Variants in THAP6 observed in about 807,000 individuals in gnomAD.
THAP6 encodes the protein THAP domain-containing protein 6.
A neutral mutation model predicts 20.0 loss-of-function variants in THAP6; 13 were observed. That is an observed-to-expected ratio of 0.65 (90% confidence interval 0.42 to 1.03). THAP6 has a LOEUF of 1.03. Ranked by LOEUF, THAP6 falls within the 50% of genes least tolerant of loss-of-function variation. THAP6 has a pLI of 0.00. For synonymous variants in THAP6, 93 were observed against 92.2 expected, an observed-to-expected ratio of 1.01 and a Z score of -0.05; for missense variants, 262 against 261.6, an observed-to-expected ratio of 1.00 and a Z score of -0.01.
intron 3 of THAP6, among the ~76,000 whole-genome samples, chr4:75,546,658 A>G (rs1243735317): frequency 4.6e-5 from 7 of 152,154 alleles, no homozygotes. Context: ...GAGGCTGGCA[A>G]GTCCAAAATC....
In THAP6 at chr4:75,541,329, G is replaced by A. The variant is rs549006052; in HGVS notation, c.166-1080G>A. ...CAAAAAGACATCAATCCATATTATC[G>A]CCATGGGAAAACAAGACCTTAACAT... On this transcript the variant is annotated intron_variant, in intron 2 of 4. Coordinates refer to the THAP6 transcript ENST00000502620. 3.9e-5 allele frequency among the ~76,000 whole-genome samples: 6 copies of A among 152,178 alleles called. No individual in the cohort carries two copies. In the East Asian group the frequency reaches 7.7e-4, roughly 20 times the overall value.
At chr4:75,525,259 A>G (rs1208972082) in intron 4 of THAP6, among the ~76,000 whole-genome samples, 1 of 152,092 alleles carries the variant, frequency 6.6e-6, no homozygotes, top group East Asian at 1.9e-4. Context: ...CAGGAATTCT[A>G]ATTATGTGTA....
downstream of THAP6, among the ~76,000 whole-genome samples, chr4:75,532,800 C>T (rs763123526): frequency 6.6e-6 from 1 of 152,188 alleles, no homozygotes; most frequent in Non-Finnish European, 1.5e-5. Context: ...TATGTTGGCT[C>T]CTTTCAGCCA....
chr4:75,544,030 A>T (rs1727070136), intron 3 of THAP6, among the ~76,000 whole-genome samples: 2 of 152,216 alleles, frequency 1.3e-5, no homozygotes, highest in African/African-American at 4.8e-5. Flanking sequence ...AGGTAGGTCC[A>T]TGTGACATTT....
rs1413588208 is a variant in THAP6 at position 75,529,709 on chromosome 4, G to T, written c.*2495G>T. 1.0e-6 allele frequency: 1 copy of T among 985,216 alleles called. No individual in the cohort carries two copies. Among genetic ancestry groups the T allele is most frequent in the Non-Finnish European group, 1.2e-6 (1 of 829,950 alleles). The allele number at this position is 985,216 out of a possible 1,614,324, so 61.0% of individuals were successfully genotyped here. On this transcript the variant is annotated 3_prime_UTR_variant, in exon 5 of 5. Coordinates refer to ENST00000311638, the MANE Select transcript of THAP6 (RefSeq NM_144721.6). ...TCTGGCAGCCAAGCCTGACCCTAAGGGTTCCACTTTGCTTTAAAAGCTAGG... is the reference window on the plus strand; with the variant it reads ...TCTGGCAGCCAAGCCTGACCCTAAGTGTTCCACTTTGCTTTAAAAGCTAGG...
downstream of THAP6, among the ~76,000 whole-genome samples, chr4:75,532,324 A>G (rs1726706710): frequency 1.3e-5 from 2 of 152,332 alleles, no homozygotes; most frequent in South Asian, 2.1e-4. Flanking sequence ...CATGTCTCAC[A>G]TTCAGGTAAT....
Position 75,516,846 on chromosome 4 carries a change from T to C in THAP6, c.155T>C (p.Ile52Thr). ...MKRLDVNAAGIWEPKKGDVLC... is the reference protein window; with the variant it reads ...MKRLDVNAAGTWEPKKGDVLC... ...AGACTTGATGTGAATGCAGCCGGCA[T>C]TTGGGAGCCTAAAAAAGGAGATGTG... The change falls in exon 3 of 5, where the codon ATT becomes ACT. Residue 52 changes from isoleucine to threonine, a missense_variant. By Grantham distance (89) the Ile-to-Thr change is moderately conservative (BLOSUM62 -1). Coordinates refer to ENST00000311638, the MANE Select transcript of THAP6 (RefSeq NM_144721.6). 1 of 1,614,052 alleles carries C rather than the reference T, an allele frequency of 6.2e-7. No individual in the cohort carries two copies. Among genetic ancestry groups the C allele is most frequent in the Non-Finnish European group, 8.5e-7 (1 of 1,179,986 alleles).
upstream of THAP6, chr4:75,514,377 AG>A: frequency 7.1e-7 from 1 of 1,406,272 alleles, no homozygotes; most frequent in Non-Finnish European, 9.6e-7. Context: ...CACCCCTCCC[AG>A]CCCCAGCGGC....
rs1390700625 is a variant in THAP6, at chr4:75,515,582, G to C, written c.80+50G>C. The C allele has an allele frequency of 2.5e-6, 4 of 1,574,870 alleles. No homozygotes were observed. The African/African-American group carries it at 5.4e-5, about 21-fold the overall frequency. On this transcript the variant is annotated intron_variant, in intron 2 of 4. Coordinates refer to ENST00000311638, the MANE Select transcript of THAP6 (RefSeq NM_144721.6). ...AAATACTTTGGCCATGTTATAAAAA[G>C]CAAAAGACAGTTCTACTTAAGTCTT...
intron 2 of THAP6, among the ~76,000 whole-genome samples, chr4:75,539,378 T>C (rs908103871): frequency 2.0e-5 from 3 of 152,156 alleles, no homozygotes; most frequent in Non-Finnish European, 4.4e-5. Flanking sequence ...CATACGATAG[T>C]GTGAGAGAAC....
At chr4:75,513,935 A>G, upstream of THAP6, 1 of 336,652 alleles carries the variant, frequency 3.0e-6, no homozygotes, top group Admixed American at 4.5e-5. Flanking sequence ...AAAGACGAAT[A>G]AGCCCACTGG....
intron 4 of THAP6, chr4:75,522,590 A>G (rs1184754947): frequency 6.6e-6 from 1 of 151,614 alleles, no homozygotes; most frequent in African/African-American, 2.4e-5. Context: ...CCCCCATCCT[A>G]CTACCTTTCC....
chr4:75,528,754 G>GT lies in THAP6; in HGVS notation c.*1542dup. 1.8e-6 allele frequency: 1 copy of GT among 554,928 alleles called. No homozygotes were observed. The highest frequency in any genetic ancestry group is 2.1e-6 in the Non-Finnish European group (1 of 479,786). 34.4% of individuals were successfully genotyped at this position (554,928 alleles called of 1,614,324 possible). On this transcript the variant is annotated 3_prime_UTR_variant, in exon 5 of 5. Coordinates refer to ENST00000311638, the MANE Select transcript of THAP6 (RefSeq NM_144721.6). ...CTGAAAAAAAAGTAGTAAAAAGGTA[G>GT]TTAAAAAAAAAAAAGGCCGGGTGGT...
chr4:75,537,819 A>G lies in THAP6; in HGVS notation c.166-4590A>G, dbSNP rs570627901. Among the ~76,000 whole-genome samples, 5 of 152,294 alleles carry G rather than the reference A, an allele frequency of 3.3e-5. No individual in the cohort carries two copies. In the South Asian group the frequency reaches 6.2e-4, roughly 19 times the overall value. Reference sequence around the variant, plus strand: ...ATGGAAGCAAAGGTTGTGGTAATGAATAGCCATGAGCTAAGGAATGTGGAC... The same window carrying G: ...ATGGAAGCAAAGGTTGTGGTAATGAGTAGCCATGAGCTAAGGAATGTGGAC... On this transcript the variant is annotated intron_variant, in intron 2 of 4. Transcript: ENST00000502620.
Position 75,529,036 on chromosome 4 carries a change from G to A in THAP6, c.*1822G>A, listed in dbSNP as rs936388366. 6.1e-6 allele frequency: 5 copies of A among 823,540 alleles called. No individual in the cohort carries two copies. In the African/African-American group the frequency reaches 9.3e-5, roughly 15 times the overall value. The allele number at this position is 823,540 out of a possible 1,614,324, so 51.0% of individuals were successfully genotyped here. A position where few individuals can be genotyped will look rare whatever the true frequency, so the allele number is the denominator to read the frequency against. On this transcript the variant is annotated 3_prime_UTR_variant, in exon 5 of 5. Coordinates refer to ENST00000311638, the MANE Select transcript of THAP6 (RefSeq NM_144721.6). ...CCGTTGCACTCCAGCCTGAGCAACA[G>A]AGCAAGACTCCATCTCAAAAAAACA... is the stretch of plus-strand genomic sequence containing the variant.
intron 2 of THAP6, chr4:75,539,793 G>A (rs536052176): frequency 2.2e-4 from 332 of 1,532,712 alleles, no homozygotes; most frequent in Non-Finnish European, 2.7e-4. Context: ...CGTATAAAAC[G>A]TAGACCATAC....
chr4:75,514,405 G>T, upstream of THAP6: 2 of 1,170,564 alleles, frequency 1.7e-6, no homozygotes, highest in Non-Finnish European at 2.4e-6. Context: ...CGACAATATG[G>T]CTCCTAAGCA....
At chr4:75,521,119 C>T (rs932901579) in intron 3 of THAP6, among the ~76,000 whole-genome samples, 15 of 141,228 alleles carry the variant, frequency 1.1e-4, no homozygotes, top group Admixed American at 5.8e-4. Context: ...GTTCTAGTTA[C>T]GGCATGGGTT....
At position 75,522,198 on chromosome 4, in the gene THAP6, A is replaced by G. The variant is rs1578266138; in HGVS notation, c.414+337A>G. 1.1e-5 allele frequency: 3 copies of G among 277,540 alleles called. No homozygotes were observed. The East Asian group carries it at 1.9e-4, about 17-fold the overall frequency. The allele number at this position is 277,540 out of a possible 1,614,324, so 17.2% of individuals were successfully genotyped here. On this transcript the variant is annotated intron_variant, in intron 4 of 4. Transcript: ENST00000311638. ...TTTCTCAGTCATACACATACAGAGT[A>G]TTCAAGCTTGCATTTATTTATTCAT... is the stretch of plus-strand genomic sequence containing the variant.
Sources: gnomAD v4.1 joint callset for allele counts (sites outside exome capture counted in the v4.1 genomes callset) on GRCh38, gnomAD v4.1.1 for gene constraint, MANE v1.5 for transcripts, NCBI Gene and HGNC (gene_info 2026-07-23, HGNC 2026-07-21) for gene names.